SUFU: variants seen among roughly 807,000 people sequenced by gnomAD.
SUFU encodes suppressor of fused homolog.
A neutral mutation model predicts 58.9 loss-of-function variants in SUFU; 7 were observed. The ratio of observed to expected loss-of-function variants is 0.12; its 90% confidence interval spans 0.07 to 0.22. The LOEUF is 0.22. SUFU is among the 10% of genes least tolerant of loss of function. The probability of loss-of-function intolerance (pLI) is 1.00; values close to 1 mark genes in which losing one functional copy is unlikely to be tolerated. For synonymous variants in SUFU, 232 were observed against 254.8 expected (o/e 0.91, Z 0.85); for missense variants, 451 against 641.3 (o/e 0.70, Z 3.20).
intron 2 of SUFU, among the ~76,000 whole-genome samples, chr10:102,545,764 A>G (rs2062848928): frequency 6.6e-6 from 1 of 152,202 alleles, no homozygotes; most frequent in Non-Finnish European, 1.5e-5. Context: ...ATCTGAGGTC[A>G]GAAGTTCGAG....
chr10:102,568,900 AT>A (rs1235399627), intron 3 of SUFU, among the ~76,000 whole-genome samples: 76 of 6,962 alleles, frequency 0.011, 10 homozygotes, highest in Non-Finnish European at 0.016. Context: ...AAAAAAAAAT[AT>A]ATATATATAT....
At chr10:102,584,087 G>A (rs1315906597) in intron 3 of SUFU, among the ~76,000 whole-genome samples, 1 of 152,216 alleles carries the variant, frequency 6.6e-6, no homozygotes, top group Non-Finnish European at 1.5e-5. Context: ...CAGTACACGA[G>A]TAATAACATA....
At chr10:102,624,064 A>G (rs2063765865) in intron 10 of SUFU, among the ~76,000 whole-genome samples, 1 of 152,244 alleles carries the variant, frequency 6.6e-6, no homozygotes, top group African/African-American at 2.4e-5. Flanking sequence ...ACACTGATCA[A>G]GCTCTTAGCA....
At chr10:102,599,915 C>T (rs1440920459) in intron 8 of SUFU, among the ~76,000 whole-genome samples, 1 of 152,210 alleles carries the variant, frequency 6.6e-6, no homozygotes, top group Non-Finnish European at 1.5e-5. Context: ...TTCCTTCCTT[C>T]CTGGAGCCTG....
chr10:102,524,214 C>G (rs562814837), intron 2 of SUFU, among the ~76,000 whole-genome samples: 1 of 152,176 alleles, frequency 6.6e-6, no homozygotes, highest in African/African-American at 2.4e-5. Context: ...CTATGTTACC[C>G]AGGCTGGTCT....
At chr10:102,610,073 G>A (rs1051923280) in intron 8 of SUFU, among the ~76,000 whole-genome samples, 7 of 151,968 alleles carry the variant, frequency 4.6e-5, no homozygotes, top group African/African-American at 1.2e-4. Flanking sequence ...CATCGTCGTT[G>A]CCTTTTTAGA....
intron 3 of SUFU, among the ~76,000 whole-genome samples, chr10:102,578,913 C>A (rs1179483731): frequency 6.6e-6 from 1 of 151,632 alleles, no homozygotes; most frequent in Non-Finnish European, 1.5e-5. Context: ...TTGGGCTCTG[C>A]CTTGTGTGTA....
intron 3 of SUFU, among the ~76,000 whole-genome samples, chr10:102,569,628 A>G (rs1304924576): frequency 6.6e-6 from 1 of 152,222 alleles, no homozygotes; most frequent in Non-Finnish European, 1.5e-5. Flanking sequence ...TTGGTTATCT[A>G]AACCCCTTTC....
chr10:102,597,632 A>G (rs1006063212), intron 7 of SUFU, among the ~76,000 whole-genome samples: 5 of 152,246 alleles, frequency 3.3e-5, no homozygotes, highest in African/African-American at 1.2e-4. Flanking sequence ...TGCAAGAGAA[A>G]AGTGTCGGCC....
chr10:102,535,440 T>C (rs1173799550), intron 2 of SUFU, among the ~76,000 whole-genome samples: 1 of 148,636 alleles, frequency 6.7e-6, no homozygotes, highest in Admixed American at 6.8e-5. Context: ...GAGCCCAGAT[T>C]GCACCACTGC....
intron 2 of SUFU, among the ~76,000 whole-genome samples, chr10:102,511,424 A>T (rs1459237519): frequency 6.6e-6 from 1 of 152,096 alleles, no homozygotes; most frequent in Admixed American, 6.6e-5. Flanking sequence ...GGGCAGGTTG[A>T]AAGAGTAGCA....
Position 102,504,240 on chromosome 10 carries a change from T to C in SUFU, c.88T>C (p.Phe30Leu), listed in dbSNP as rs2135598035. 1 of 1,603,682 alleles carries C rather than the reference T, an allele frequency of 6.2e-7. No homozygotes were observed. The highest frequency in any genetic ancestry group is 1.7e-5 in the Admixed American group (1 of 59,628). ...TGCCCCCCCGGCCTTCGCTTCGCTC[T>C]TTCCCCCGGGACTGCACGCCATCTA... ...PTAPPAFASL[F>L]PPGLHAIYGE... The change falls in exon 1 of 12, where the codon TTT (phenylalanine) becomes CTT (leucine). Residue 30 changes from phenylalanine (F) to leucine (L), a missense_variant. Transcript: ENST00000369902.
chr10:102,518,124 A>G (rs1479309042), intron 2 of SUFU, among the ~76,000 whole-genome samples: 1 of 152,154 alleles, frequency 6.6e-6, no homozygotes, highest in Non-Finnish European at 1.5e-5. Context: ...ATTACAAACA[A>G]TTATAGCCCT....
intron 2 of SUFU, among the ~76,000 whole-genome samples, chr10:102,510,162 C>T (rs1330822335): frequency 6.6e-6 from 1 of 150,960 alleles, no homozygotes; most frequent in Non-Finnish European, 1.5e-5. Flanking sequence ...CTGTTAATGA[C>T]TGTATTCTCT....
At chr10:102,596,040 C>T (rs939735593) in intron 6 of SUFU, among the ~76,000 whole-genome samples, 19 of 152,156 alleles carry the variant, frequency 1.2e-4, no homozygotes, top group Admixed American at 9.8e-4. Context: ...GTACACAGAG[C>T]GCTTCCCTGC....
chr10:102,591,029 A>G (rs1475796398), intron 3 of SUFU: 2 of 152,184 alleles, frequency 1.3e-5, no homozygotes, highest in Non-Finnish European at 2.9e-5. Context: ...CTGAAGCCGT[A>G]TCTTGGATGG....
At chr10:102,590,530 T>C (rs556710331) in intron 3 of SUFU, among the ~76,000 whole-genome samples, 80 of 152,312 alleles carry the variant, frequency 5.3e-4, no homozygotes, top group African/African-American at 1.9e-3. Flanking sequence ...TTTTTGTTTG[T>C]ATATGCATAA....
rs2135882521 is a variant in SUFU at position 102,597,303 on chromosome 10, A to T, written c.910+10A>T. ...CGACTCTCTGGCAAAGGTGGGAGCC[A>T]TCACTCAGCATTCCACCAGCCTTCC... is the stretch of plus-strand genomic sequence containing the variant. On this transcript the variant is annotated intron_variant, in intron 7 of 11. Coordinates refer to ENST00000369902, the MANE Select transcript of SUFU (RefSeq NM_016169.4). The T allele has an allele frequency of 6.2e-7, 1 of 1,610,758 alleles. No individual in the cohort carries two copies.
Position 102,503,981 on chromosome 10 carries a change from G to A in SUFU, c.-172G>A, listed in dbSNP as rs1564654052. On this transcript the variant is annotated 5_prime_UTR_variant, in exon 1 of 12. Coordinates refer to ENST00000369902, the MANE Select transcript of SUFU (RefSeq NM_016169.4). ...CGAGGCACCCTCTGGCAGACTCGGC[G>A]GCGGCGACAGCCTGGGCGGACAGTG... 3.1e-6 allele frequency: 3 copies of A among 957,766 alleles called. No homozygotes were observed. Among genetic ancestry groups the A allele is most frequent in the Non-Finnish European group, 4.3e-6 (3 of 699,056 alleles). The allele number at this position is 957,766 out of a possible 1,614,324, so 59.3% of individuals were successfully genotyped here.
Sources: gnomAD v4.1 joint callset for allele counts (sites outside exome capture counted in the v4.1 genomes callset) on GRCh38, gnomAD v4.1.1 for gene constraint, MANE v1.5 for transcripts, NCBI Gene and HGNC (gene_info 2026-07-23, HGNC 2026-07-21) for gene names.